The following ITGA6 variants were observed in gnomAD, a reference collection of about 807,000 sequenced individuals.
ITGA6 encodes integrin subunit alpha 6.
In ITGA6, 63 loss-of-function variants were observed where a neutral mutation model predicts 133.6. The ratio of observed to expected loss-of-function variants is 0.47; its 90% CI spans 0.38 to 0.58. The LOEUF (loss-of-function observed/expected upper bound fraction) is 0.58, where lower values mean the gene tolerates loss of function less well. Ranked by LOEUF, ITGA6 falls within the 20% of genes least tolerant of loss-of-function variation. ITGA6 has a pLI of 0.00. For synonymous variants in ITGA6, 434 were observed against 482.0 expected (o/e 0.90, Z 1.30); for missense variants, 1,068 against 1,309.4 (o/e 0.82, Z 2.85).
chr2:172,453,488 T>C (rs1162426392), intron 1 of ITGA6, among the ~76,000 whole-genome samples: 1 of 152,154 alleles, frequency 6.6e-6, no homozygotes, highest in Non-Finnish European at 1.5e-5. Flanking sequence ...CGCACTGCCC[T>C]CCAGCCTGGG....
intron 7 of ITGA6, 144 bp downstream of exon 7, chr2:172,475,266 G>GT: frequency 5.9e-6 from 4 of 680,304 alleles, no homozygotes; most frequent in Non-Finnish European, 1.1e-5. Flanking sequence ...TCGGGAGTTC[G>GT]AGACCAGCCT....
chr2:172,500,232 G>C (rs1687292790), intron 24 of ITGA6, among the ~76,000 whole-genome samples: 1 of 150,228 alleles, frequency 6.7e-6, no homozygotes, highest in African/African-American at 2.5e-5. Context: ...ACAGGATTTT[G>C]TTTGCAGGTG....
At chr2:172,440,195 T>G (rs1404604226) in intron 1 of ITGA6, among the ~76,000 whole-genome samples, 2 of 152,224 alleles carry the variant, frequency 1.3e-5, no homozygotes, top group East Asian at 3.8e-4. Context: ...TGAGTCCTGT[T>G]GGTTTGTGAG....
chr2:172,477,103 A>ATT (rs200376260), intron 9 of ITGA6, among the ~76,000 whole-genome samples: 2 of 149,604 alleles, frequency 1.3e-5, no homozygotes, highest in South Asian at 2.1e-4. Context: ...TTGCTTCGCA[A>ATT]TTTTTTTTTT....
rs561909642 is a variant in ITGA6 at position 172,465,393 on chromosome 2, A to G, written c.183-146A>G. 278 of 965,032 alleles carry G rather than the reference A, an allele frequency of 2.9e-4. 3 individuals carry two copies. In the Admixed American group the frequency reaches 4.9e-3, roughly 17 times the overall value. 59.8% of individuals were successfully genotyped at this position (965,032 alleles called of 1,614,324 possible). On this transcript the variant is annotated intron_variant, in intron 1 of 25. Coordinates refer to ENST00000684293, the MANE Select transcript of ITGA6 (RefSeq NM_000210.4). ...GCATGAACCAGCCATAGGACTCTAC[A>G]TTTGTTCTCACTCACTGCCTAAGCT...
chr2:172,488,103 A>G (rs1044644655), intron 18 of ITGA6, 23 bp from the exon 19 acceptor site: 17 of 1,611,038 alleles, frequency 1.1e-5, no homozygotes, highest in Admixed American at 1.7e-5. Flanking sequence ...CCTCATTAAA[A>G]CTGGTGTTTT....
chr2:172,447,788 G>A (rs924571218), intron 1 of ITGA6, among the ~76,000 whole-genome samples: 2 of 152,122 alleles, frequency 1.3e-5, no homozygotes, highest in African/African-American at 2.4e-5. Context: ...TGATCTGACC[G>A]CTCTTATTAG....
At chr2:172,453,383 C>T (rs1253467947) in intron 1 of ITGA6, among the ~76,000 whole-genome samples, 1 of 151,968 alleles carries the variant, frequency 6.6e-6, no homozygotes, top group Admixed American at 6.6e-5. Flanking sequence ...AAAATATTAG[C>T]CAGGTGTGGT....
intron 1 of ITGA6, among the ~76,000 whole-genome samples, chr2:172,457,594 C>T (rs905967256): frequency 3.3e-5 from 5 of 152,152 alleles, no homozygotes; most frequent in Non-Finnish European, 7.4e-5. Flanking sequence ...TGACTTTCAT[C>T]TGCGTTCATA....
chr2:172,490,815 C>G (rs2149081045), intron 20 of ITGA6: 1 of 514,350 alleles, frequency 1.9e-6, no homozygotes, highest in East Asian at 3.6e-5. Flanking sequence ...GAATGAATTA[C>G]TTAGTCCTAT....
Position 172,474,957 on chromosome 2 carries a change from C to T in ITGA6, c.1015C>T (p.Gln339Ter). 6.3e-7 allele frequency: 1 copy of T among 1,581,726 alleles called. No homozygotes were observed. The highest frequency in any genetic ancestry group is 8.7e-7 in the Non-Finnish European group (1 of 1,150,560). ...GCAAGATATAGTTATTGGAGCCCCA[C>T]AGTATTTTGATAGAGATGGAGAAGT... ...GWQDIVIGAP[Q>*]YFDRDGEVGG... The change falls in exon 7 of 26, where the codon CAG (glutamine) becomes TAG (stop). Residue 339 changes from glutamine (Q) to a stop codon, truncating the protein, a stop_gained. Transcript: ENST00000684293. LOFTEE classifies it high-confidence loss of function.
chr2:172,488,193 G>A lies in ITGA6; in HGVS notation c.2470G>A (p.Asp824Asn). Residue 824 changes from aspartate to asparagine, a missense_variant, in exon 19 of 26, where the codon GAT (aspartate) becomes AAT (asparagine). Transcript: ENST00000684293. ...TGGCGAGCAAGCTATGAAATCTGAA[G>A]ATGAAGTGGGAAGTTTAATAGAGTA... ...VVGEQAMKSE[D>N]EVGSLIEYEF... 6.2e-7 allele frequency: 1 copy of A among 1,613,952 alleles called. No individual in the cohort carries two copies. Among genetic ancestry groups the A allele is most frequent in the South Asian group, 1.1e-5 (1 of 91,078 alleles).
In ITGA6 at chr2:172,501,078, C is replaced by T. The variant is rs538752195; in HGVS notation, c.3115-694C>T. On this transcript the variant is annotated intron_variant, in intron 24 of 25. Coordinates refer to ENST00000684293, the MANE Select transcript of ITGA6 (RefSeq NM_000210.4). ...ATAGGAAAAGTTCTCTATCACTGAACGAAGGAAATTATAGTAGAAAGTGGA... is the reference window on the plus strand; with the variant it reads ...ATAGGAAAAGTTCTCTATCACTGAATGAAGGAAATTATAGTAGAAAGTGGA... Among the ~76,000 whole-genome samples, 9 of 152,088 alleles carry T rather than the reference C, an allele frequency of 5.9e-5. No individual in the cohort carries two copies. The South Asian group carries it at 1.7e-3, about 28-fold the overall frequency.
intron 23 of ITGA6, among the ~76,000 whole-genome samples, chr2:172,497,424 C>T (rs1225448858): frequency 2.0e-5 from 3 of 149,818 alleles, no homozygotes; most frequent in Non-Finnish European, 4.4e-5. Flanking sequence ...TCACTTGAGC[C>T]TGGGAGGTTG....
intron 23 of ITGA6, among the ~76,000 whole-genome samples, chr2:172,492,279 A>G (rs979146142): frequency 6.6e-6 from 1 of 152,204 alleles, no homozygotes; most frequent in African/African-American, 2.4e-5. Flanking sequence ...GCATGTTTGA[A>G]TTTCTAGCAG....
chr2:172,465,444 C>T, intron 1 of ITGA6, 95 bp from the exon 2 acceptor site: 1 of 1,442,532 alleles, frequency 6.9e-7, no homozygotes, highest in Non-Finnish European at 9.7e-7. Context: ...GACTCCTAGA[C>T]AAAGAATAAT....
chr2:172,467,686 G>A, intron 3 of ITGA6, 126 bp downstream of exon 3: 1 of 753,330 alleles, frequency 1.3e-6, no homozygotes, highest in Non-Finnish European at 2.3e-6. Context: ...AAGCAGGAAT[G>A]GATGTCAAAA....
At chr2:172,438,441 G>C (rs1684412473) in intron 1 of ITGA6, among the ~76,000 whole-genome samples, 1 of 151,818 alleles carries the variant, frequency 6.6e-6, no homozygotes, top group South Asian at 2.1e-4. Context: ...TAAGTCATTA[G>C]CCCTAAGTTA....
In ITGA6 at chr2:172,485,273, CT is replaced by C. The variant is rs1686617914; in HGVS notation, c.1854+10del. On this transcript the variant is annotated intron_variant, in intron 13 of 25. Transcript: ENST00000684293. The stretch of plus-strand genomic sequence containing the variant: ...AGACAGCTCATATTGATGTAAGTCT[CT>C]CTGACTTTCATTTTGCCAAAGTTTT... 1 of 1,613,368 alleles carries C rather than the reference CT, an allele frequency of 6.2e-7. No homozygotes were observed. The highest frequency in any genetic ancestry group is 8.5e-7 in the Non-Finnish European group (1 of 1,179,614).
Sources: allele counts gnomAD v4.1 joint callset (sites outside exome capture counted in the v4.1 genomes callset), GRCh38; gene constraint gnomAD v4.1.1; transcripts MANE v1.5; gene names NCBI Gene and HGNC (gene_info 2026-07-23, HGNC 2026-07-21).